CACNA1C: variants seen among roughly 807,000 people sequenced by gnomAD.
CACNA1C encodes the protein calcium voltage-gated channel subunit alpha1 C.
A neutral mutation model predicts 229.0 loss-of-function variants in CACNA1C; 30 were observed. That is an observed-to-expected ratio of 0.13 (90% CI 0.10 to 0.18). The LOEUF (loss-of-function observed/expected upper bound fraction) is 0.18. Ranked by LOEUF, CACNA1C falls within the 10% of genes least tolerant of loss-of-function variation. The probability of loss-of-function intolerance (pLI) is 1.00; values close to 1 mark genes in which losing one functional copy is unlikely to be tolerated. For missense variants in CACNA1C, 1,658 were observed against 2,845.0 expected, an observed-to-expected ratio of 0.58 and a Z score of 9.49; for synonymous variants, 1,114 against 1,132.5, an observed-to-expected ratio of 0.98 and a Z score of 0.33.
At chr12:2,018,062 C>T (rs1223216007) in intron 1 of CACNA1C, among the ~76,000 whole-genome samples, 2 of 152,196 alleles carry the variant, frequency 1.3e-5, no homozygotes, top group Non-Finnish European at 2.9e-5. Flanking sequence ...GTTGCAGACG[C>T]GTGGTCTAAA....
chr12:2,481,940 T>C (rs1343750009), intron 5 of CACNA1C, among the ~76,000 whole-genome samples: 1 of 152,274 alleles, frequency 6.6e-6, no homozygotes, highest in Non-Finnish European at 1.5e-5. Context: ...GACACTCGCT[T>C]ATCAGCGGTG....
At chr12:2,100,251 G>A (rs148928102) in intron 1 of CACNA1C, among the ~76,000 whole-genome samples, 2,491 of 152,110 alleles carry the variant, frequency 0.016, 29 homozygotes, top group South Asian at 0.038. Flanking sequence ...TTCGAGACCA[G>A]CCTGGCCAAC....
intron 3 of CACNA1C, among the ~76,000 whole-genome samples, chr12:2,362,226 G>A (rs1435065040): frequency 1.3e-5 from 2 of 152,142 alleles, no homozygotes; most frequent in East Asian, 3.9e-4. Context: ...AGGCCACTGG[G>A]ACATCTCCAG....
chr12:2,135,962 C>T (rs1181551986), intron 3 of CACNA1C, among the ~76,000 whole-genome samples: 3 of 150,000 alleles, frequency 2.0e-5, no homozygotes, highest in Non-Finnish European at 3.0e-5. Context: ...CAGCGAGACT[C>T]CGTGGGCGTA....
chr12:2,334,025 T>C (rs893129576), intron 3 of CACNA1C, among the ~76,000 whole-genome samples: 2 of 152,166 alleles, frequency 1.3e-5, no homozygotes, highest in Non-Finnish European at 2.9e-5. Flanking sequence ...GAGTGGAAGA[T>C]CCCTTATTGT....
chr12:2,317,993 C>T lies in CACNA1C; in HGVS notation c.478-130983C>T, dbSNP rs557732286. On this transcript the variant is annotated intron_variant, in intron 3 of 46. Coordinates refer to ENST00000399655, the MANE Select transcript of CACNA1C (RefSeq NM_000719.7). ...TCCGGGAGCCAGGCCTGAGGAAGTG[C>T]GCCTTCTGCCGGTGCTCAGAGGCAG... Among the ~76,000 whole-genome samples, 9 of 152,280 alleles carry T rather than the reference C, an allele frequency of 5.9e-5. No homozygotes were observed. In the South Asian group the frequency reaches 8.3e-4, roughly 14 times the overall value.
rs565969052 is a variant in CACNA1C, at chr12:2,067,834, A to G, written c.49+14223A>G. Among the ~76,000 whole-genome samples the G allele has an allele frequency of 1.3e-5, 2 of 152,226 alleles. No individual in the cohort carries two copies. Among genetic ancestry groups the G allele is most frequent in the South Asian group, 4.2e-4 (2 of 4,818 alleles). ...ACTCACCTGGAGAATACTTACCTTC[A>G]CACTGTTCCCACCCCTGTCTTTCCA... is the stretch of plus-strand genomic sequence containing the variant. On this transcript the variant is annotated intron_variant, in intron 1 of 46. Transcript: ENST00000399655. The surrounding 1 kb of genome is among the most constrained non-coding windows in gnomAD (Gnocchi z 5.3).
chr12:1,999,003 C>T (rs1268649822), intron 1 of CACNA1C, among the ~76,000 whole-genome samples: 1 of 152,258 alleles, frequency 6.6e-6, no homozygotes, highest in Non-Finnish European at 1.5e-5. Flanking sequence ...ATGATCCTTT[C>T]ACATGCTCAG....
intron 3 of CACNA1C, among the ~76,000 whole-genome samples, chr12:2,196,244 T>C (rs2097399336): frequency 6.6e-6 from 1 of 152,218 alleles, no homozygotes; most frequent in African/African-American, 2.4e-5. Context: ...TCCTCTTGTC[T>C]GTCTGGCCTG....
upstream of CACNA1C, among the ~76,000 whole-genome samples, chr12:2,052,187 G>C (rs538160913): frequency 3.3e-4 from 50 of 152,226 alleles, no homozygotes; most frequent in African/African-American, 1.2e-3. Flanking sequence ...AAGTAGGTAA[G>C]GATATCCTAG....
chr12:2,140,972 C>T (rs2094119313), intron 3 of CACNA1C, among the ~76,000 whole-genome samples: 1 of 151,146 alleles, frequency 6.6e-6, no homozygotes, highest in Non-Finnish European at 1.5e-5. Context: ...AAGGGCCCAC[C>T]TGGAGCGGGT....
At chr12:2,362,295 C>T (rs1172407285) in intron 3 of CACNA1C, among the ~76,000 whole-genome samples, 1 of 152,114 alleles carries the variant, frequency 6.6e-6, no homozygotes, top group African/African-American at 2.4e-5. Context: ...GTGATGCAGG[C>T]TTGGGAATGC....
At chr12:2,271,989 A>T (rs959461751) in intron 3 of CACNA1C, among the ~76,000 whole-genome samples, 2 of 152,066 alleles carry the variant, frequency 1.3e-5, no homozygotes, top group African/African-American at 4.8e-5. Flanking sequence ...CAAGAAGCAT[A>T]CTCTTCTGGG....
Position 2,493,464 on chromosome 12 carries a change from C to G in CACNA1C, c.1113+78C>G, listed in dbSNP as rs112041316. On this transcript the variant is annotated intron_variant, in intron 7 of 46. Coordinates refer to ENST00000399655, the MANE Select transcript of CACNA1C (RefSeq NM_000719.7). The surrounding 1 kb of genome is among the most constrained non-coding windows in gnomAD (Gnocchi z 4.6). ...CTTCCCTGACACCTCCCTTTCTCCT[C>G]CTCCCCATGGTCTTGGGGTCACATA... 18 of 1,096,556 alleles carry G rather than the reference C, an allele frequency of 1.6e-5. No individual in the cohort carries two copies. The East Asian group carries it at 4.3e-4, about 26-fold the overall frequency. The allele number at this position is 1,096,556 out of a possible 1,614,324, so 67.9% of individuals were successfully genotyped here.
chr12:2,638,420 G>A (rs1480566232), intron 30 of CACNA1C, among the ~76,000 whole-genome samples: 2 of 152,168 alleles, frequency 1.3e-5, no homozygotes, highest in Non-Finnish European at 2.9e-5. Flanking sequence ...GGAGAGGTGA[G>A]GGTAGCAGAG....
At chr12:2,454,469 C>T (rs1243717473) in intron 4 of CACNA1C, among the ~76,000 whole-genome samples, 1 of 152,178 alleles carries the variant, frequency 6.6e-6, no homozygotes, top group African/African-American at 2.4e-5. Flanking sequence ...ACCATGTCCA[C>T]CCTCCTTCCA....
In CACNA1C at chr12:2,664,895, T is replaced by A; in HGVS notation, c.4303T>A (p.Ser1435Thr). 6.2e-7 allele frequency: 1 copy of A among 1,613,424 alleles called. No individual in the cohort carries two copies. Among genetic ancestry groups the A allele is most frequent in the Non-Finnish European group, 8.5e-7 (1 of 1,179,684 alleles). Residue 1435 changes from serine to threonine, a missense_variant, in exon 35 of 47, where the codon TCC becomes ACC. Physicochemically the swap from Ser to Thr is moderately conservative, Grantham distance 58. Transcript: ENST00000399655. ...GCCAGGCAAGAAGTGTGCCCCAGAG[T>A]CCGAGCCCAGCAACAGCACGGAGGG... ...CMPGKKCAPE[S>T]EPSNSTEGET...
chr12:2,626,200 C>G (rs2086401301), intron 29 of CACNA1C, among the ~76,000 whole-genome samples: 1 of 152,234 alleles, frequency 6.6e-6, no homozygotes, highest in Non-Finnish European at 1.5e-5. Context: ...CCACAGCCAC[C>G]TCTGCCCAGC....
In CACNA1C at chr12:2,275,980, A is replaced by G. The variant is rs1431659443; in HGVS notation, c.477+155550A>G. On this transcript the variant is annotated intron_variant, in intron 3 of 46. Coordinates refer to ENST00000399655, the MANE Select transcript of CACNA1C (RefSeq NM_000719.7). This position sits in a 1 kb window ranked among gnomAD's most constrained non-coding sequence, Gnocchi z 4.1. ...TCAGATACAAAACCCAAGGATGCCC[A>G]TGTCCTTTTATGTATGTAGATTATA... Among the ~76,000 whole-genome samples the G allele has an allele frequency of 6.6e-6, 1 of 152,156 alleles. No individual in the cohort carries two copies. The highest frequency in any genetic ancestry group is 1.5e-5 in the Non-Finnish European group (1 of 68,028).
Sources: allele counts gnomAD v4.1 joint callset (sites outside exome capture counted in the v4.1 genomes callset), GRCh38; gene constraint gnomAD v4.1.1; non-coding constraint Gnocchi (gnomAD v3.1); transcripts MANE v1.5; gene names NCBI Gene and HGNC (gene_info 2026-07-23, HGNC 2026-07-21).